The following ACOT9 variants were observed in gnomAD, a reference collection of about 807,000 sequenced individuals.
ACOT9 encodes acyl-coenzyme A thioesterase 9, mitochondrial.
A neutral mutation model predicts 39.7 loss-of-function variants in ACOT9; 34 were observed. The ratio of observed to expected loss-of-function variants is 0.86; its 90% CI spans 0.65 to 1.14. The LOEUF (loss-of-function observed/expected upper bound fraction) is 1.14, where lower values mean the gene tolerates loss of function less well. Ranked by LOEUF, ACOT9 falls within the 50% of genes most tolerant of loss-of-function variation. The pLI, the probability that ACOT9 is intolerant of heterozygous loss-of-function variation, is 0.00. For missense variants in ACOT9, 313 were observed against 344.1 expected, an observed-to-expected ratio of 0.91 and a Z score of 0.71; for synonymous variants, 110 against 120.5, an observed-to-expected ratio of 0.91 and a Z score of 0.57.
intron 15 of ACOT9, among the ~76,000 whole-genome samples, chrX:23,704,448 G>A (rs986396636): frequency 9.2e-6 from 1 of 108,178 alleles, no homozygotes; most frequent in Non-Finnish European, 1.9e-5. Flanking sequence ...CCAAAGTGCT[G>A]GGATTACAGG....
chrX:23,703,715 C>A lies in ACOT9; in HGVS notation c.*179G>T, dbSNP rs1928560324. 2 of 368,834 alleles carry A rather than the reference C, an allele frequency of 5.4e-6. No homozygotes were observed. Among genetic ancestry groups the A allele is most frequent in the South Asian group, 1.3e-4 (2 of 15,623 alleles). The allele number at this position is 368,834 out of a possible 1,213,427, so 30.4% of individuals were successfully genotyped here. On this transcript the variant is annotated 3_prime_UTR_variant, in exon 16 of 16. Coordinates refer to ENST00000379303, the MANE Select transcript of ACOT9 (RefSeq NM_001037171.2). ...ATTTATTGTTTAATAATTCTTTCTC[C>A]CCTCAGCCCCATCCGGCCACTCTCT...
Position 23,706,738 on chromosome X carries a change from C to G in ACOT9, c.732G>C (p.Leu244Phe), listed in dbSNP as rs1170493568. The change falls in exon 11 of 16, where the codon TTG (leucine) becomes TTC (phenylalanine). Residue 244 changes from leucine to phenylalanine, a missense_variant and splice_region_variant. Coordinates refer to ENST00000379303, the MANE Select transcript of ACOT9 (RefSeq NM_001037171.2). ...EEEELFRQGE[L>F]NKGRRIAFSS... ...TGAAGGCAATTCTTCTCCCCTTGTT[C>G]ACTGGAACAAGGGAGAATAAGGAGC... 15 of 1,152,692 alleles carry G rather than the reference C, an allele frequency of 1.3e-5. No individual in the cohort carries two copies. Among genetic ancestry groups the G allele is most frequent in the Non-Finnish European group, 1.7e-5 (14 of 848,107 alleles). 95.0% of individuals were successfully genotyped at this position (1,152,692 alleles called of 1,213,427 possible).
intron 6 of ACOT9, 96 bp from the exon 7 acceptor site, chrX:23,722,849 C>A: frequency 1.9e-6 from 1 of 515,605 alleles, no homozygotes; most frequent in Non-Finnish European, 3.3e-6. Flanking sequence ...AGCCTTGTCT[C>A]GCTTGGAAGA....
rs61734725 is a variant in ACOT9, at chrX:23,704,785, C to A, written c.1167G>T (p.Leu389=). 5.1e-4 allele frequency: 614 copies of A among 1,208,793 alleles called. 2 individuals carry two copies. In the African/African-American group the frequency reaches 8.0e-3, roughly 16 times the overall value. ...QVRVHSEVAS[L]QEKQHTTTNV... is the part of the protein sequence containing the mutation. ...TGGTGGTTGTATGCTGCTTCTCCTGCAGGGAGGCCACTTCACTGTGTACTC... is the reference window on the plus strand; with the variant it reads ...TGGTGGTTGTATGCTGCTTCTCCTGAAGGGAGGCCACTTCACTGTGTACTC... Residue 389 remains leucine (L), a synonymous_variant, in exon 15 of 16, where the codon CTG becomes CTT. Coordinates refer to ENST00000379303, the MANE Select transcript of ACOT9 (RefSeq NM_001037171.2).
chrX:23,721,800 T>C, intron 8 of ACOT9, 81 bp downstream of exon 8: 1 of 808,560 alleles, frequency 1.2e-6, no homozygotes, highest in Non-Finnish European at 1.8e-6. Flanking sequence ...TGTCTACAGA[T>C]ACATAGGTAA....
intron 8 of ACOT9, among the ~76,000 whole-genome samples, chrX:23,716,229 G>A (rs1001710334): frequency 6.3e-5 from 7 of 111,907 alleles, no homozygotes; most frequent in East Asian, 2.8e-4. Flanking sequence ...AGAATTTCAG[G>A]CAAAAGAAAA....
At chrX:23,712,504 CTGTT>C (rs767537518) in intron 9 of ACOT9, among the ~76,000 whole-genome samples, 7 of 108,325 alleles carry the variant, frequency 6.5e-5, no homozygotes, top group African/African-American at 2.4e-4. Context: ...GTCTGTAAGT[CTGTT>C]TTTTTTTGAT....
At chrX:23,713,295 T>C in intron 8 of ACOT9, 87 bp from the exon 9 acceptor site, 1 of 769,339 alleles carries the variant, frequency 1.3e-6, no homozygotes. Context: ...GTATGTATGC[T>C]GGCCAGGTGC....
At chrX:23,734,973 C>A (rs1166052874) in intron 2 of ACOT9, among the ~76,000 whole-genome samples, 1 of 57,129 alleles carries the variant, frequency 1.8e-5, no homozygotes, top group Non-Finnish European at 2.8e-5. Flanking sequence ...CAGAGTGAGA[C>A]TTCATCTCAA....
chrX:23,727,072 G>A (rs1452762773), intron 6 of ACOT9, among the ~76,000 whole-genome samples: 4 of 112,069 alleles, frequency 3.6e-5, no homozygotes, highest in Middle Eastern at 4.7e-3. Flanking sequence ...CACCCGCCTC[G>A]GCCTCCCAAA....
At chrX:23,736,745 G>A (rs1266878743) in intron 1 of ACOT9, among the ~76,000 whole-genome samples, 1 of 111,054 alleles carries the variant, frequency 9.0e-6, no homozygotes, top group African/African-American at 3.3e-5. Flanking sequence ...CTTGAACCCA[G>A]GAGGTCGAGG....
chrX:23,721,521 C>A (rs1223282133), intron 8 of ACOT9, among the ~76,000 whole-genome samples: 2 of 111,811 alleles, frequency 1.8e-5, no homozygotes, highest in African/African-American at 6.5e-5. Context: ...AATCTACAGA[C>A]ACAGAGGGCC....
intron 6 of ACOT9, among the ~76,000 whole-genome samples, chrX:23,729,452 G>C (rs1014178012): frequency 1.8e-5 from 2 of 111,957 alleles, no homozygotes. Context: ...GGCAAAAGTT[G>C]AATGGGACCT....
At chrX:23,709,280 C>T (rs1928813918) in intron 9 of ACOT9, among the ~76,000 whole-genome samples, 2 of 111,573 alleles carry the variant, frequency 1.8e-5, no homozygotes, top group African/African-American at 6.5e-5. Context: ...GTAATCCCAG[C>T]TACTCAGGAG....
chrX:23,704,201 C>T (rs944674330), intron 15 of ACOT9, among the ~76,000 whole-genome samples: 18 of 90,184 alleles, frequency 2.0e-4, no homozygotes, highest in African/African-American at 7.4e-4. Flanking sequence ...GACGGAGTCT[C>T]GCTCTGTTGC....
chrX:23,731,436 C>G (rs1041744238), intron 4 of ACOT9, among the ~76,000 whole-genome samples: 7 of 101,108 alleles, frequency 6.9e-5, no homozygotes, highest in African/African-American at 2.2e-4. Flanking sequence ...AAGATCACAC[C>G]ACTGCACTCC....
chrX:23,722,071 C>T, intron 7 of ACOT9, 87 bp from the exon 8 acceptor site: 1 of 540,255 alleles, frequency 1.9e-6, no homozygotes, highest in Non-Finnish European at 2.8e-6. Flanking sequence ...ATGGCAAATT[C>T]CACTACATTT....
At chrX:23,708,842 C>T (rs1466640809) in intron 9 of ACOT9, among the ~76,000 whole-genome samples, 1 of 111,686 alleles carries the variant, frequency 9.0e-6, no homozygotes, top group Non-Finnish European at 1.9e-5. Context: ...ATGCTGAACT[C>T]CTGAATGGGT....
intron 1 of ACOT9, among the ~76,000 whole-genome samples, chrX:23,739,022 C>T (rs748867773): frequency 1.8e-5 from 2 of 111,938 alleles, no homozygotes; most frequent in South Asian, 7.4e-4. Context: ...CTTTGGGAGG[C>T]CGAGGCAGGC....
Sources: gnomAD v4.1 joint callset for allele counts (sites outside exome capture counted in the v4.1 genomes callset) on GRCh38, gnomAD v4.1.1 for gene constraint, MANE v1.5 for transcripts, NCBI Gene and HGNC (gene_info 2026-07-23, HGNC 2026-07-21) for gene names.